HPSE2: variants seen among roughly 807,000 people sequenced by gnomAD.
HPSE2 encodes inactive heparanase-2.
Under a neutral mutation model 60.5 loss-of-function variants are expected in HPSE2, and 38 were observed. That is an observed-to-expected ratio of 0.63 (90% CI 0.48 to 0.82). The LOEUF is 0.82. Ranked by LOEUF, HPSE2 falls within the 40% of genes least tolerant of loss-of-function variation. HPSE2 has a pLI of 0.00. For synonymous variants in HPSE2, 295 were observed against 293.2 expected (o/e 1.01, Z -0.06); for missense variants, 713 against 740.4 (o/e 0.96, Z 0.43).
At chr10:99,196,331 G>GGGT (rs777521017) in intron 2 of HPSE2, among the ~76,000 whole-genome samples, 2 of 151,952 alleles carry the variant, frequency 1.3e-5, no homozygotes, top group African/African-American at 2.4e-5. Context: ...CACAAACACA[G>GGGT]GTAACCAAAG....
intron 4 of HPSE2, among the ~76,000 whole-genome samples, chr10:98,723,030 T>C (rs891058594): frequency 6.6e-6 from 1 of 152,194 alleles, no homozygotes; most frequent in Admixed American, 6.6e-5. Flanking sequence ...AGAGGGCATC[T>C]CTGTCTTGTG....
intron 11 of HPSE2, among the ~76,000 whole-genome samples, chr10:98,481,686 T>C (rs989762752): frequency 2.6e-5 from 4 of 152,216 alleles, no homozygotes; most frequent in Non-Finnish European, 5.9e-5. Context: ...GGAAGCCAAA[T>C]GCAAGCCACC....
chr10:99,124,662 G>C (rs541644080), intron 3 of HPSE2, among the ~76,000 whole-genome samples: 62 of 152,254 alleles, frequency 4.1e-4, no homozygotes, highest in Non-Finnish European at 7.3e-4. Context: ...CCTCAACTTT[G>C]CTCCAAAATT....
chr10:98,695,005 T>A (rs1948174618), intron 5 of HPSE2, among the ~76,000 whole-genome samples: 1 of 152,210 alleles, frequency 6.6e-6, no homozygotes, highest in Admixed American at 6.5e-5. Context: ...ATCTCTACTT[T>A]ACCCCAGCAT....
chr10:98,591,840 C>T (rs932309880), intron 9 of HPSE2, among the ~76,000 whole-genome samples: 22 of 152,110 alleles, frequency 1.4e-4, no homozygotes, highest in Non-Finnish European at 2.9e-5. Flanking sequence ...CTGCATTACA[C>T]GGCCCAGTTT....
intron 3 of HPSE2, among the ~76,000 whole-genome samples, chr10:98,801,677 TG>T (rs1174406798): frequency 6.6e-6 from 1 of 151,800 alleles, no homozygotes. Flanking sequence ...AAAACACTGA[TG>T]AAAAAAATGG....
chr10:99,171,859 TAG>T (rs1361096298), intron 2 of HPSE2, among the ~76,000 whole-genome samples: 2 of 152,132 alleles, frequency 1.3e-5, no homozygotes. Flanking sequence ...GACTTTCCCC[TAG>T]AGTGTCTAGG....
intron 9 of HPSE2, among the ~76,000 whole-genome samples, chr10:98,613,913 G>A (rs538714029): frequency 2.0e-5 from 3 of 152,194 alleles, no homozygotes; most frequent in East Asian, 1.9e-4. Flanking sequence ...TCTGATAAGC[G>A]TAGCTTTTCT....
At chr10:98,525,391 C>T (rs1942934741) in intron 9 of HPSE2, among the ~76,000 whole-genome samples, 1 of 152,232 alleles carries the variant, frequency 6.6e-6, no homozygotes, top group African/African-American at 2.4e-5. Context: ...GCCATCACAA[C>T]ATCTCCTTCG....
intron 6 of HPSE2, among the ~76,000 whole-genome samples, chr10:98,670,416 G>A (rs1947475468): frequency 6.6e-6 from 1 of 152,202 alleles, no homozygotes; most frequent in South Asian, 2.1e-4. Context: ...AAGACCAGAA[G>A]TGTTTCAGGT....
At chr10:98,933,233 T>C (rs1413634893) in intron 3 of HPSE2, among the ~76,000 whole-genome samples, 1 of 144,156 alleles carries the variant, frequency 6.9e-6, no homozygotes, top group East Asian at 2.0e-4. Context: ...CCCAGAGTCA[T>C]TCAGGAGCAG....
the HPSE2 span, among the ~76,000 whole-genome samples, chr10:99,289,756 A>G: frequency 2.6e-5 from 4 of 152,228 alleles, no homozygotes; most frequent in Non-Finnish European, 4.4e-5. Context: ...CACTCAAGTC[A>G]GAAGCTTATT....
chr10:98,899,805 T>C (rs1953612487), intron 3 of HPSE2, among the ~76,000 whole-genome samples: 2 of 147,508 alleles, frequency 1.4e-5, no homozygotes, highest in Non-Finnish European at 3.0e-5. Context: ...TGTTTGCTGT[T>C]GAGACAAACA....
At chr10:99,109,965 G>A (rs1844396109) in intron 3 of HPSE2, among the ~76,000 whole-genome samples, 1 of 151,938 alleles carries the variant, frequency 6.6e-6, no homozygotes, top group South Asian at 2.1e-4. Flanking sequence ...GGGTGAGGGA[G>A]GAAATAAAAA....
At chr10:98,984,548 A>G (rs1956289844) in intron 3 of HPSE2, among the ~76,000 whole-genome samples, 1 of 152,242 alleles carries the variant, frequency 6.6e-6, no homozygotes, top group Non-Finnish European at 1.5e-5. Context: ...GGGAAAAAAC[A>G]GAGCAGAAAA....
intron 9 of HPSE2, among the ~76,000 whole-genome samples, chr10:98,533,914 A>G (rs898932600): frequency 7.9e-5 from 12 of 152,220 alleles, no homozygotes; most frequent in African/African-American, 2.9e-4. Context: ...ACTGATGTGA[A>G]ACAGTTTCAC....
intron 3 of HPSE2, among the ~76,000 whole-genome samples, chr10:99,119,423 C>G (rs944915775): frequency 6.6e-6 from 1 of 152,106 alleles, no homozygotes; most frequent in African/African-American, 2.4e-5. Context: ...CTACAAAATA[C>G]TGCTCAAAGA....
intron 3 of HPSE2, among the ~76,000 whole-genome samples, chr10:98,745,351 T>A (rs1949604351): frequency 6.6e-6 from 1 of 152,236 alleles, no homozygotes; most frequent in Non-Finnish European, 1.5e-5. Context: ...TACACTTGGA[T>A]AACTTACTAT....
chr10:99,178,527 G>A (rs993120054), intron 2 of HPSE2, among the ~76,000 whole-genome samples: 13 of 150,946 alleles, frequency 8.6e-5, no homozygotes, highest in East Asian at 5.9e-4. Context: ...TAGGAAAACC[G>A]GATAAATTCC....
Sources: allele counts gnomAD v4.1 joint callset (sites outside exome capture counted in the v4.1 genomes callset), GRCh38; gene constraint gnomAD v4.1.1; transcripts MANE v1.5; gene names NCBI Gene and HGNC (gene_info 2026-07-23, HGNC 2026-07-21).